HSPA9: variants seen among roughly 807,000 people sequenced by gnomAD.
HSPA9 encodes stress-70 protein, mitochondrial.
In HSPA9, 28 loss-of-function variants were observed where a neutral mutation model predicts 81.5. That is an observed-to-expected ratio of 0.34 (90% CI 0.25 to 0.47). The LOEUF is 0.47. Among genes scored for constraint, HSPA9 ranks in the 20% least tolerant of loss-of-function variants. The pLI, the probability that HSPA9 is intolerant of heterozygous loss-of-function variation, is 1.00. For synonymous variants in HSPA9, 293 were observed against 290.4 expected (o/e 1.01, Z -0.09); for missense variants, 678 against 838.0 (o/e 0.81, Z 2.36).
intron 12 of HSPA9, 29 bp downstream of exon 12, chr5:138,558,524 C>T: frequency 7.7e-7 from 1 of 1,291,436 alleles, no homozygotes; most frequent in Non-Finnish European, 1.1e-6. Context: ...GTGAAGGAGG[C>T]ATAGTATTCA....
chr5:138,567,398 A>G lies in HSPA9; in HGVS notation c.716+57T>C, dbSNP rs147761225. On this transcript the variant is annotated intron_variant, in intron 7 of 16. Coordinates refer to ENST00000297185, the MANE Select transcript of HSPA9 (RefSeq NM_004134.7). The stretch of plus-strand genomic sequence containing the variant: ...CTGTAAAAGGCTCAATTACTAAAAA[A>G]TTAAGTGACACTTTAGTTTCACACA... The G allele has an allele frequency of 8.1e-4, 1,099 of 1,359,832 alleles. 8 individuals carry two copies. In the African/African-American group the frequency reaches 0.013, roughly 17 times the overall value. The allele number at this position is 1,359,832 out of a possible 1,614,324, so 84.2% of individuals were successfully genotyped here. A position where few individuals can be genotyped will look rare whatever the true frequency, so the allele number is the denominator to read the frequency against.
chr5:138,564,072 G>A (rs553430681), intron 9 of HSPA9, among the ~76,000 whole-genome samples: 1 of 152,024 alleles, frequency 6.6e-6, no homozygotes, highest in Admixed American at 6.6e-5. Context: ...CCTCTCTCAG[G>A]TACCTTCTTA....
chr5:138,557,892 T>G lies in HSPA9; in HGVS notation c.1610A>C (p.Lys537Thr). The G allele has an allele frequency of 6.2e-7, 1 of 1,609,974 alleles. No individual in the cohort carries two copies. Among genetic ancestry groups the G allele is most frequent in the Non-Finnish European group, 8.5e-7 (1 of 1,177,984 alleles). Residue 537 changes from lysine (K) to threonine (T), a missense_variant, in exon 13 of 17, where the codon AAA becomes ACA. This residue lies in a region of HSPA9 where 484 missense variants were observed against 647.5 expected (regional missense o/e 0.75). Transcript: ENST00000297185. Reference sequence around the variant, plus strand: ...ACTCTGCTGCTCACGTCCTGTGCCTTTATCTTTAGCAGAAACATGTACTAT... The same window carrying G: ...ACTCTGCTGCTCACGTCCTGTGCCTGTATCTTTAGCAGAAACATGTACTAT... Reference protein sequence around the residue: ...NGIVHVSAKDKGTGREQQIVI... With the variant: ...NGIVHVSAKDTGTGREQQIVI...
chr5:138,563,158 A>C (rs1460769482), intron 9 of HSPA9, among the ~76,000 whole-genome samples: 1 of 152,204 alleles, frequency 6.6e-6, no homozygotes, highest in Non-Finnish European at 1.5e-5. Flanking sequence ...CAGAACACAG[A>C]ATTATCTAAA....
chr5:138,556,691 A>G, intron 15 of HSPA9, 83 bp downstream of exon 15: 3 of 1,553,132 alleles, frequency 1.9e-6, no homozygotes, highest in Non-Finnish European at 2.7e-6. Flanking sequence ...TTAAACCCCT[A>G]TCAAAACCCA....
At chr5:138,569,529 T>G (rs1319297576) in intron 4 of HSPA9, among the ~76,000 whole-genome samples, 1 of 152,148 alleles carries the variant, frequency 6.6e-6, no homozygotes, top group East Asian at 1.9e-4. Flanking sequence ...GTGCTGTATG[T>G]CCATACAGTA....
At position 138,573,970 on chromosome 5, in the gene HSPA9, A is replaced by G. The variant is rs1751017379; in HGVS notation, c.140+98T>C. 4 of 1,248,506 alleles carry G rather than the reference A, an allele frequency of 3.2e-6. No homozygotes were observed. In the East Asian group the frequency reaches 1.0e-4, roughly 31 times the overall value. The allele number at this position is 1,248,506 out of a possible 1,614,324, so 77.3% of individuals were successfully genotyped here. On this transcript the variant is annotated intron_variant, in intron 2 of 16. Transcript: ENST00000297185. ...TACTACATAATCTCTAAATAAATAC[A>G]GATAAATAATTACAGAGAAGAATAA...
At position 138,572,927 on chromosome 5, in the gene HSPA9, G is replaced by A. The variant is rs563228592; in HGVS notation, c.228+836C>T. ...TTTTTTTTTTTTGAGACAAAGTCTC[G>A]CTCTGTCACCCAGGCTGGAGTACAG... On this transcript the variant is annotated intron_variant, in intron 3 of 16. Transcript: ENST00000297185. 2.3e-4 allele frequency among the ~76,000 whole-genome samples: 35 copies of A among 150,792 alleles called. No individual in the cohort carries two copies. In the South Asian group the frequency reaches 6.3e-3, roughly 27 times the overall value.
chr5:138,569,009 C>G lies in HSPA9; in HGVS notation c.451G>C (p.Asp151His). 6.2e-7 allele frequency: 1 copy of G among 1,613,974 alleles called. No homozygotes were observed. Among genetic ancestry groups the G allele is most frequent in the Non-Finnish European group, 8.5e-7 (1 of 1,179,832 alleles). The change falls in exon 5 of 17, where the codon GAT (aspartate) becomes CAT (histidine). Residue 151 changes from aspartate to histidine, a missense_variant. Physicochemically the swap from Asp to His is moderately conservative, Grantham distance 81. Around this residue, in one of 4 missense-constraint regions of HSPA9, gnomAD observed 484 missense variants for 647.5 expected, o/e 0.75. Transcript: ENST00000297185. The part of the protein sequence containing the change: ...PFKIVRASNG[D>H]AWVEAHGKLY... The stretch of plus-strand genomic sequence containing the variant: ...TTCCCATGAGCCTCAACCCAGGCAT[C>G]ACCATTGGAGGCACGGACAATTTTA...
At chr5:138,562,518 T>C (rs541678216) in intron 9 of HSPA9, among the ~76,000 whole-genome samples, 27 of 152,068 alleles carry the variant, frequency 1.8e-4, no homozygotes, top group African/African-American at 6.3e-4. Context: ...GCCACTGCAC[T>C]CCAGCCTGGG....
rs763341420 is a variant in HSPA9, at chr5:138,567,704, G to A, written c.554C>T (p.Thr185Ile). 4 of 1,613,348 alleles carry A rather than the reference G, an allele frequency of 2.5e-6. No homozygotes were observed. The highest frequency in any genetic ancestry group is 1.3e-5 in the African/African-American group (1 of 75,038). Reference protein sequence around the residue: ...KETAENYLGHTAKNAVITVPA... With the variant: ...KETAENYLGHIAKNAVITVPA... Reference sequence around the variant, plus strand: ...GACTGTGATCACAGCATTTTTTGCTGTGTGCCCCAAGTAATTTTCTGGAAA... The same window carrying A: ...GACTGTGATCACAGCATTTTTTGCTATGTGCCCCAAGTAATTTTCTGGAAA... Residue 185 changes from threonine (T) to isoleucine (I), a missense_variant, in exon 6 of 17, where the codon ACA becomes ATA. Coordinates refer to ENST00000297185, the MANE Select transcript of HSPA9 (RefSeq NM_004134.7).
chr5:138,559,487 A>G (rs142274329), intron 11 of HSPA9, among the ~76,000 whole-genome samples: 1 of 152,218 alleles, frequency 6.6e-6, no homozygotes, highest in South Asian at 2.1e-4. Context: ...CCCTTCATTC[A>G]TCCATAAGAT....
chr5:138,568,958 C>T lies in HSPA9; in HGVS notation c.502G>A (p.Ala168Thr), dbSNP rs753877174. The T allele has an allele frequency of 5.0e-6, 8 of 1,613,978 alleles. No homozygotes were observed. The highest frequency in any genetic ancestry group is 5.9e-6 in the Non-Finnish European group (7 of 1,179,890). The stretch of plus-strand genomic sequence containing the variant: ...TCTTTCATCTTCATCAACACAAATG[C>T]TCCAATCTGACTCGGAGAATACAAT... ...GKLYSPSQIG[A>T]FVLMKMKETA... The change falls in exon 5 of 17, where the codon GCA becomes ACA. Residue 168 changes from alanine (A) to threonine (T), a missense_variant. Around this residue, in one of 4 missense-constraint regions of HSPA9, gnomAD observed 484 missense variants for 647.5 expected, o/e 0.75. Coordinates refer to ENST00000297185, the MANE Select transcript of HSPA9 (RefSeq NM_004134.7).
rs199863065 is a variant in HSPA9 at position 138,558,559 on chromosome 5, A to T, written c.1509T>A (p.Phe503Leu). Residue 503 changes from phenylalanine (F) to leucine (L), a missense_variant, in exon 12 of 17, where the codon TTT (phenylalanine) becomes TTA (leucine). Phe to Leu is a conservative substitution (Grantham distance 22). Around this residue, in one of 4 missense-constraint regions of HSPA9, gnomAD observed 484 missense variants for 647.5 expected, o/e 0.75. Coordinates refer to ENST00000297185, the MANE Select transcript of HSPA9 (RefSeq NM_004134.7). Reference sequence around the variant, plus strand: ...AGGATTCACAATAACCTACCAAAGTAAACTGTCCAAGGAGTTTGTTGTCTC... The same window carrying T: ...AGGATTCACAATAACCTACCAAAGTTAACTGTCCAAGGAGTTTGTTGTCTC... ...MAGDNKLLGQ[F>L]TLIGIPPAPR... 6.3e-7 allele frequency: 1 copy of T among 1,591,746 alleles called. No homozygotes were observed. The highest frequency in any genetic ancestry group is 1.7e-5 in the Admixed American group (1 of 60,006).
rs34922898 is a variant in HSPA9, at chr5:138,560,564, CT to C, written c.1183-474del. Among the ~76,000 whole-genome samples, 576 of 135,032 alleles carry C rather than the reference CT, an allele frequency of 4.3e-3. 5 individuals are homozygous for C. The highest frequency in any genetic ancestry group is 0.012 in the African/African-American group (448 of 37,934). 88.6% of individuals were successfully genotyped at this position (135,032 alleles called of 152,430 possible). Reference sequence around the variant, plus strand: ...AGTATCGGGGATACTTTTTCTTCTTCTTTTTTTTTTTTTTGAGACGGAGTCT... The same window carrying C: ...AGTATCGGGGATACTTTTTCTTCTTCTTTTTTTTTTTTTGAGACGGAGTCT... On this transcript the variant is annotated intron_variant, in intron 10 of 16. Transcript: ENST00000297185.
In HSPA9 at chr5:138,573,819, T is replaced by C. The variant is rs1355201956; in HGVS notation, c.172A>G (p.Ile58Val). The part of the protein sequence containing the change: ...SEAIKGAVVG[I>V]DLGTTNSCVA... ...CAGGAGTTGGTAGTACCCAAATCAA[T>C]ACCAACAACTGCTCCCTTGATTGCT... Residue 58 changes from isoleucine to valine, a missense_variant, in exon 3 of 17, where the codon ATT (isoleucine) becomes GTT (valine). By Grantham distance (29) the Ile-to-Val change is conservative. Around this residue, in one of 4 missense-constraint regions of HSPA9, gnomAD observed 5 missense variants for 20.6 expected, o/e 0.24. Transcript: ENST00000297185. 2 of 1,613,528 alleles carry C rather than the reference T, an allele frequency of 1.2e-6. No homozygotes were observed. Among genetic ancestry groups the C allele is most frequent in the Admixed American group, 1.7e-5 (1 of 60,004 alleles).
chr5:138,556,603 G>A lies in HSPA9; in HGVS notation c.1822-11C>T, dbSNP rs759141353. 1.9e-6 allele frequency: 3 copies of A among 1,612,226 alleles called. No individual in the cohort carries two copies. In the South Asian group the frequency reaches 3.3e-5, roughly 18 times the overall value. ...TTTCAGCTTGTTGCACTTAAAAAAA[G>A]AAAACAAAAATCCTTACTTTTCCAG... On this transcript the variant is annotated splice_polypyrimidine_tract_variant and intron_variant, in intron 15 of 16. Coordinates refer to ENST00000297185, the MANE Select transcript of HSPA9 (RefSeq NM_004134.7).
In HSPA9 at chr5:138,556,596, A is replaced by G. The variant is rs770647682; in HGVS notation, c.1822-4T>C. The G allele has an allele frequency of 6.2e-7, 1 of 1,613,510 alleles. No individual in the cohort carries two copies. The highest frequency in any genetic ancestry group is 1.7e-5 in the Admixed American group (1 of 60,018). On this transcript the variant is annotated splice_polypyrimidine_tract_variant and splice_region_variant and intron_variant, in intron 15 of 16. Transcript: ENST00000297185. ...TCTCTTCTTTCAGCTTGTTGCACTT[A>G]AAAAAAGAAAACAAAAATCCTTACT...
At chr5:138,571,235 C>T (rs1750877860) in intron 3 of HSPA9, 94 bp from the exon 4 acceptor site, 1 of 1,271,530 alleles carries the variant, frequency 7.9e-7, no homozygotes, top group Non-Finnish European at 1.1e-6. Flanking sequence ...GGCTGGAGTA[C>T]AATGGCACAA....
Sources: gnomAD v4.1 joint callset for allele counts (sites outside exome capture counted in the v4.1 genomes callset) on GRCh38, gnomAD v4.1.1 for gene constraint, gnomAD v4.1.1 regional missense constraint, MANE v1.5 for transcripts, NCBI Gene and HGNC (gene_info 2026-07-23, HGNC 2026-07-21) for gene names.